Variants in LAMA3 observed in about 807,000 individuals in gnomAD.
The protein encoded by LAMA3 is laminin subunit alpha 3, also known as laminin subunit alpha-3.
A neutral mutation model predicts 402.0 loss-of-function variants in LAMA3; 281 were observed. That is an observed-to-expected ratio of 0.70 (90% CI 0.63 to 0.77). The LOEUF (loss-of-function observed/expected upper bound fraction) is 0.77. Ranked by LOEUF, LAMA3 falls within the 30% of genes least tolerant of loss-of-function variation. The probability of loss-of-function intolerance (pLI) is 0.00; values close to 1 mark genes in which losing one functional copy is unlikely to be tolerated. For synonymous variants in LAMA3, 1,431 were observed against 1,558.4 expected, an observed-to-expected ratio of 0.92 and a Z score of 1.93; for missense variants, 3,840 against 4,215.5, an observed-to-expected ratio of 0.91 and a Z score of 2.47.
intron 68 of LAMA3, 109 bp downstream of exon 68, chr18:23,939,495 G>T: frequency 8.4e-7 from 1 of 1,191,006 alleles, no homozygotes; most frequent in Non-Finnish European, 1.2e-6. Context: ...TAATGAAGGT[G>T]GCACTACCAT....
At chr18:23,800,296 T>G (rs1452738058) in intron 12 of LAMA3, among the ~76,000 whole-genome samples, 2 of 152,364 alleles carry the variant, frequency 1.3e-5, no homozygotes, top group Non-Finnish European at 2.9e-5. Flanking sequence ...ATGTTCGAGC[T>G]TCCCCTTGAT....
At chr18:23,849,699 T>G (rs902245909) in intron 32 of LAMA3, among the ~76,000 whole-genome samples, 1 of 152,230 alleles carries the variant, frequency 6.6e-6, no homozygotes, top group Non-Finnish European at 1.5e-5. Flanking sequence ...TTTAATAGAC[T>G]GGAATATTCC....
At chr18:23,880,109 G>A (rs1008936528) in intron 39 of LAMA3, among the ~76,000 whole-genome samples, 1 of 152,236 alleles carries the variant, frequency 6.6e-6, no homozygotes, top group African/African-American at 2.4e-5. Context: ...GGGTGAGGGT[G>A]AGGGAAGCCG....
rs370352049 is a variant in LAMA3, at chr18:23,814,426, T to C, written c.1812T>C (p.His604=). The C allele has an allele frequency of 5.4e-5, 87 of 1,613,400 alleles. No individual in the cohort carries two copies. In the African/African-American group the frequency reaches 9.3e-4, roughly 17 times the overall value. ...AGGGGTATTGCCAATGCAAGCTTCA[T>C]GTTGAAGGTCCTACTTGTAGCCGCT... The part of the protein sequence containing the change: ...SNLGYCQCKL[H]VEGPTCSRCK... The change falls in exon 15 of 75, where the codon CAT becomes CAC. Residue 604 remains histidine (H), a synonymous_variant. Transcript: ENST00000313654.
At position 23,953,058 on chromosome 18, in the gene LAMA3, C is replaced by T. The variant is rs749858791; in HGVS notation, c.9805C>T (p.Pro3269Ser). The T allele has an allele frequency of 6.2e-7, 1 of 1,614,150 alleles. No homozygotes were observed. Among genetic ancestry groups the T allele is most frequent in the South Asian group, 1.1e-5 (1 of 91,078 alleles). Residue 3269 changes from proline (P) to serine (S), a missense_variant, in exon 74 of 75, where the codon CCC becomes TCC. By Grantham distance (74) the Pro-to-Ser change is moderately conservative. Coordinates refer to ENST00000313654, the MANE Select transcript of LAMA3 (RefSeq NM_198129.4). ...TDSSYTAGQI[P>S]FPPASTQEPL... ...CAGTAGCTACACAGCTGGACAGATC[C>T]CCTTCCCACCTGCCAGCACTCAAGA...
Position 23,850,171 on chromosome 18 carries a change from T to C in LAMA3, c.4136+2503T>C, listed in dbSNP as rs536006460. ...GAAAACACATTCTTTCACAGTCTTG[T>C]CCTGCAGTTGTACAAATCATCACAA... is the stretch of plus-strand genomic sequence containing the variant. On this transcript the variant is annotated intron_variant, in intron 32 of 74. Coordinates refer to ENST00000313654, the MANE Select transcript of LAMA3 (RefSeq NM_198129.4). Among the ~76,000 whole-genome samples, 19 of 152,364 alleles carry C rather than the reference T, an allele frequency of 1.2e-4. No individual in the cohort carries two copies. In the East Asian group the frequency reaches 2.9e-3, roughly 23 times the overall value.
chr18:23,791,002 T>A (rs9955404), intron 12 of LAMA3, among the ~76,000 whole-genome samples: 1 of 151,654 alleles, frequency 6.6e-6, no homozygotes, highest in Non-Finnish European at 1.5e-5. Flanking sequence ...CATTCTCCTG[T>A]CTCAGCCTCT....
At chr18:23,750,123 T>C (rs987125455) in intron 4 of LAMA3, among the ~76,000 whole-genome samples, 1 of 152,104 alleles carries the variant, frequency 6.6e-6, no homozygotes, top group East Asian at 1.9e-4. Flanking sequence ...AGAGAAAAAA[T>C]TGCTGTCCCT....
rs1261568127 is a variant in LAMA3, at chr18:23,950,009, C to CTT, written c.9512-18_9512-17dup. The CTT allele has an allele frequency of 1.2e-6, 2 of 1,613,962 alleles. No homozygotes were observed. Among genetic ancestry groups the CTT allele is most frequent in the Non-Finnish European group, 1.7e-6 (2 of 1,180,020 alleles). On this transcript the variant is annotated intron_variant, in intron 71 of 74. Coordinates refer to ENST00000313654, the MANE Select transcript of LAMA3 (RefSeq NM_198129.4). ...TTTCATGGTGATGCTTTAACTTTTG[C>CTT]TTTGTTTCTCTTTTGAAAGCTCACT...
chr18:23,946,527 C>A (rs189777844), intron 70 of LAMA3: 87 of 530,592 alleles, frequency 1.6e-4, no homozygotes, highest in African/African-American at 1.5e-3. Flanking sequence ...GCTTCTCTGC[C>A]ACTTCCTAAA....
chr18:23,951,791 T>C lies in LAMA3; in HGVS notation c.9736+14T>C, dbSNP rs375989564. 3.1e-6 allele frequency: 5 copies of C among 1,593,430 alleles called. No individual in the cohort carries two copies. The highest frequency in any genetic ancestry group is 4.3e-6 in the Non-Finnish European group (5 of 1,161,674). ...ACTCGGTGGCAGGTATGTTGTCCAG[T>C]AGCTGATTGTTCATGCACTAAAACA... On this transcript the variant is annotated intron_variant, in intron 73 of 74. Transcript: ENST00000313654.
rs184930140 is a variant in LAMA3 at position 23,921,826 on chromosome 18, G to A, written c.8177+241G>A. Among the ~76,000 whole-genome samples, 3 of 152,322 alleles carry A rather than the reference G, an allele frequency of 2.0e-5. No homozygotes were observed. In the East Asian group the frequency reaches 5.8e-4, roughly 29 times the overall value. ...CACCGCCATTGTCATTCTCGGGAGGGGAGGGACCACGAAGGGTATAGTTGG... is the reference window on the plus strand; with the variant it reads ...CACCGCCATTGTCATTCTCGGGAGGAGAGGGACCACGAAGGGTATAGTTGG... On this transcript the variant is annotated intron_variant, in intron 62 of 74. Transcript: ENST00000313654.
At chr18:23,952,859 C>A in intron 73 of LAMA3, 131 bp from the exon 74 acceptor site, 3 of 1,166,666 alleles carry the variant, frequency 2.6e-6, no homozygotes, top group Non-Finnish European at 3.8e-6. Flanking sequence ...GAATTTATAT[C>A]TAAGCTGACC....
At chr18:23,882,591 G>A (rs138580381) in intron 40 of LAMA3, among the ~76,000 whole-genome samples, 1 of 149,862 alleles carries the variant, frequency 6.7e-6, no homozygotes, top group Non-Finnish European at 1.5e-5. Flanking sequence ...GCCTGGGCGA[G>A]AGAGCGAGAC....
At chr18:23,698,830 G>T (rs115062517) in intron 1 of LAMA3, among the ~76,000 whole-genome samples, 11 of 152,346 alleles carry the variant, frequency 7.2e-5, no homozygotes, top group African/African-American at 2.6e-4. Context: ...AGGCAGAAAA[G>T]ACCCCTGTCC....
At chr18:23,946,930 A>G (rs1462237597) in intron 70 of LAMA3, 6 of 152,714 alleles carry the variant, frequency 3.9e-5, no homozygotes, top group African/African-American at 1.4e-4. Flanking sequence ...CACAAAGCCA[A>G]AAGCTGTTCC....
intron 10 of LAMA3, among the ~76,000 whole-genome samples, chr18:23,776,132 T>C (rs578161142): frequency 6.6e-6 from 1 of 152,344 alleles, no homozygotes; most frequent in Non-Finnish European, 1.5e-5. Context: ...CAAAGTGTTA[T>C]GTTGTGCCAC....
rs367984805 is a variant in LAMA3, at chr18:23,828,702, A to G, written c.2823+1235A>G. ...GAGGTTCTAACCTCTGATTTAACCC[A>G]GAGCTATAGCACAGAGCTAGTCAGC... On this transcript the variant is annotated intron_variant, in intron 23 of 74. Coordinates refer to ENST00000313654, the MANE Select transcript of LAMA3 (RefSeq NM_198129.4). 2.7e-3 allele frequency among the ~76,000 whole-genome samples: 409 copies of G among 152,332 alleles called. 2 individuals are homozygous for G. Among genetic ancestry groups the G allele is most frequent in the African/African-American group, 9.6e-3 (397 of 41,568 alleles).
At position 23,858,099 on chromosome 18, in the gene LAMA3, G is replaced by A; in HGVS notation, c.4281+111G>A. 4 of 1,249,806 alleles carry A rather than the reference G, an allele frequency of 3.2e-6. No homozygotes were observed. In the South Asian group the frequency reaches 3.7e-5, roughly 12 times the overall value. 77.4% of individuals were successfully genotyped at this position (1,249,806 alleles called of 1,614,324 possible). On this transcript the variant is annotated intron_variant, in intron 33 of 74. Transcript: ENST00000313654. ...GAAATGGGACTGACCCGTAAGAGAT[G>A]TTGATAGTGTATGTAGCATTTTATA...
Sources: allele counts gnomAD v4.1 joint callset (sites outside exome capture counted in the v4.1 genomes callset), GRCh38; gene constraint gnomAD v4.1.1; transcripts MANE v1.5; gene names NCBI Gene and HGNC (gene_info 2026-07-23, HGNC 2026-07-21).